Variants in PDE10A observed in about 807,000 individuals in gnomAD.
PDE10A encodes the protein cAMP and cAMP-inhibited cGMP 3',5'-cyclic phosphodiesterase 10A.
Under a neutral mutation model 97.7 loss-of-function variants are expected in PDE10A, and 39 were observed. The observed-to-expected ratio is 0.40, with a 90% CI of 0.31 to 0.52. PDE10A has a LOEUF of 0.52. PDE10A is among the 20% of genes least tolerant of loss of function. The pLI is 0.56. For synonymous variants in PDE10A, 371 were observed against 376.8 expected (o/e 0.98, Z 0.18); for missense variants, 731 against 1,047.8 (o/e 0.70, Z 4.17).
intron 18 of PDE10A, among the ~76,000 whole-genome samples, chr6:165,352,608 T>C (rs190892051): frequency 1.2e-4 from 19 of 152,204 alleles, no homozygotes; most frequent in African/African-American, 4.1e-4. Context: ...TATAGTTCCA[T>C]TTTTAACAAA....
At chr6:165,400,931 ATGT>A (rs1273540982) in intron 13 of PDE10A, among the ~76,000 whole-genome samples, 1 of 152,224 alleles carries the variant, frequency 6.6e-6, no homozygotes, top group Non-Finnish European at 1.5e-5. Context: ...TCACAAAATT[ATGT>A]TAAGTGAAAA....
At chr6:165,776,325 TC>T (rs1177659588) in intron 1 of PDE10A, among the ~76,000 whole-genome samples, 1 of 152,234 alleles carries the variant, frequency 6.6e-6, no homozygotes, top group African/African-American at 2.4e-5. Flanking sequence ...TATTTCTGCT[TC>T]CCTTTTCTCC....
At chr6:165,746,909 G>A (rs1165313961) in intron 1 of PDE10A, among the ~76,000 whole-genome samples, 2 of 152,018 alleles carry the variant, frequency 1.3e-5, no homozygotes, top group Non-Finnish European at 2.9e-5. Context: ...CATGATTTTG[G>A]GATATTAATA....
chr6:165,898,488 A>T (rs1166251504), intron 1 of PDE10A, among the ~76,000 whole-genome samples: 1 of 151,344 alleles, frequency 6.6e-6, no homozygotes, highest in Non-Finnish European at 1.5e-5. Flanking sequence ...GAGATTGGGG[A>T]TCTCTTCCTC....
intron 1 of PDE10A, among the ~76,000 whole-genome samples, chr6:165,703,240 T>C (rs934858544): frequency 5.3e-5 from 8 of 152,156 alleles, no homozygotes; most frequent in Non-Finnish European, 8.8e-5. Context: ...ACACCTGGAG[T>C]GGTGTCCAGG....
chr6:165,598,893 G>A (rs1205877486), intron 1 of PDE10A, among the ~76,000 whole-genome samples: 1 of 152,098 alleles, frequency 6.6e-6, no homozygotes, highest in Non-Finnish European at 1.5e-5. Context: ...GAGGGGACGG[G>A]GTCAGGACTT....
At chr6:165,385,279 C>A (rs1445713688) in intron 17 of PDE10A, among the ~76,000 whole-genome samples, 1 of 151,950 alleles carries the variant, frequency 6.6e-6, no homozygotes, top group East Asian at 1.9e-4. Context: ...ATTGCCACCA[C>A]AGAGATATAA....
chr6:165,850,527 A>G (rs1317146538), intron 1 of PDE10A, among the ~76,000 whole-genome samples: 4 of 152,184 alleles, frequency 2.6e-5, no homozygotes, highest in East Asian at 3.9e-4. Flanking sequence ...CTTTAGTTAT[A>G]TGCTGTTTCC....
chr6:165,644,887 A>G (rs1789313678), intron 1 of PDE10A, among the ~76,000 whole-genome samples: 1 of 152,240 alleles, frequency 6.6e-6, no homozygotes, highest in South Asian at 2.1e-4. Context: ...GTCTGGATTT[A>G]CGTTGATCTC....
intron 1 of PDE10A, among the ~76,000 whole-genome samples, chr6:165,717,623 C>A (rs572062926): frequency 8.6e-5 from 13 of 152,028 alleles, no homozygotes; most frequent in African/African-American, 2.9e-4. Context: ...TGAAATCCTG[C>A]CTTCATTTCT....
At chr6:165,416,026 C>T (rs1788286019) in intron 12 of PDE10A, among the ~76,000 whole-genome samples, 163 bp downstream of exon 12, 1 of 152,130 alleles carries the variant, frequency 6.6e-6, no homozygotes, top group African/African-American at 2.4e-5. Flanking sequence ...TTATAAATAT[C>T]TGAATATACT....
chr6:165,862,800 TC>T (rs947804488), intron 1 of PDE10A, among the ~76,000 whole-genome samples: 1 of 151,444 alleles, frequency 6.6e-6, no homozygotes, highest in African/African-American at 2.4e-5. Flanking sequence ...TGCCTCAGCC[TC>T]CCAAGTAGCT....
intron 18 of PDE10A, among the ~76,000 whole-genome samples, chr6:165,366,401 A>T (rs1783771595): frequency 6.6e-6 from 1 of 152,230 alleles, no homozygotes; most frequent in African/African-American, 2.4e-5. Flanking sequence ...GCTGATAAAG[A>T]GTATATAATG....
At chr6:165,839,867 T>TCCCATCCGCAACTCCATC (rs1780180868) in intron 1 of PDE10A, among the ~76,000 whole-genome samples, 2 of 32,376 alleles carry the variant, frequency 6.2e-5, no homozygotes, top group East Asian at 1.1e-3. Context: ...CTGTCTCCAT[T>TCCCATCCGCAACTCCATC]CCCATCTGCA....
At chr6:165,501,987 A>G (rs600542) in intron 2 of PDE10A, among the ~76,000 whole-genome samples, 27,446 of 152,208 alleles carry the variant, frequency 0.18, 3,197 homozygotes, top group African/African-American at 0.32. Flanking sequence ...AGAAATAGAC[A>G]TATGCATATA....
intron 1 of PDE10A, among the ~76,000 whole-genome samples, chr6:165,740,711 T>C (rs989033226): frequency 1.3e-5 from 2 of 152,122 alleles, no homozygotes; most frequent in African/African-American, 4.8e-5. Context: ...CTGGAGGATA[T>C]TATGAACATG....
chr6:165,891,120 G>T (rs1043805660), intron 1 of PDE10A, among the ~76,000 whole-genome samples: 12 of 152,154 alleles, frequency 7.9e-5, no homozygotes, highest in Non-Finnish European at 1.5e-4. Flanking sequence ...CACCCATTGC[G>T]TTCCTTAAAG....
chr6:165,755,846 G>A (rs1023080482), intron 1 of PDE10A, among the ~76,000 whole-genome samples: 3 of 152,196 alleles, frequency 2.0e-5, no homozygotes, highest in African/African-American at 4.8e-5. Flanking sequence ...TCTGAAGAAA[G>A]CACAAGAGAA....
intron 3 of PDE10A, among the ~76,000 whole-genome samples, chr6:165,450,848 C>T (rs1015577051): frequency 2.0e-5 from 3 of 152,202 alleles, no homozygotes; most frequent in African/African-American, 7.2e-5. Flanking sequence ...AAGGCATGAG[C>T]CACTGCACCC....
Sources: gnomAD v4.1 joint callset for allele counts (sites outside exome capture counted in the v4.1 genomes callset) on GRCh38, gnomAD v4.1.1 for gene constraint, MANE v1.5 for transcripts, NCBI Gene and HGNC (gene_info 2026-07-23, HGNC 2026-07-21) for gene names.